The following GPRC5A variants were observed in gnomAD, a reference collection of about 807,000 sequenced individuals.
GPRC5A encodes the protein retinoic acid-induced protein 3.
In GPRC5A, 19 loss-of-function variants were observed where a neutral mutation model predicts 22.5. The ratio of observed to expected loss-of-function variants is 0.85; its 90% confidence interval spans 0.59 to 1.24. GPRC5A has a LOEUF of 1.24. Ranked by LOEUF, GPRC5A falls within the 50% of genes most tolerant of loss-of-function variation. GPRC5A has a pLI of 0.00. For missense variants in GPRC5A, 471 were observed against 451.1 expected, an observed-to-expected ratio of 1.04 and a Z score of -0.40; for synonymous variants, 192 against 184.5, an observed-to-expected ratio of 1.04 and a Z score of -0.33.
rs1479127904 is a variant in GPRC5A at position 12,916,872 on chromosome 12, T to G, written c.*4333T>G. On this transcript the variant is annotated 3_prime_UTR_variant, in exon 4 of 4. Coordinates refer to ENST00000014914, the MANE Select transcript of GPRC5A (RefSeq NM_003979.4). ...TGCACTCATTCTGAGCTTCCTTCCT[T>G]CATTTCTGTCATTACTGCTGAGAAC... The G allele has an allele frequency of 6.6e-6, 1 of 152,232 alleles. No homozygotes were observed. Among genetic ancestry groups the G allele is most frequent in the Admixed American group, 6.5e-5 (1 of 15,278 alleles). The allele number at this position is 152,232 out of a possible 1,614,324, so 9.4% of individuals were successfully genotyped here. A position where few individuals can be genotyped will look rare whatever the true frequency, so the allele number is the denominator to read the frequency against.
intron 3 of GPRC5A, 110 bp from the exon 4 acceptor site, chr12:12,912,337 G>A: frequency 1.1e-6 from 1 of 871,138 alleles, no homozygotes; most frequent in Non-Finnish European, 1.9e-6. Context: ...GGACTTGGGG[G>A]TGGGAGGCCT....
rs1864064639 is a variant in GPRC5A at position 12,916,408 on chromosome 12, A to G, written c.*3869A>G. 2 of 152,212 alleles carry G rather than the reference A, an allele frequency of 1.3e-5. No homozygotes were observed. Among genetic ancestry groups the G allele is most frequent in the Admixed American group, 1.3e-4 (2 of 15,278 alleles). The allele number at this position is 152,212 out of a possible 1,614,324, so 9.4% of individuals were successfully genotyped here. A position where few individuals can be genotyped will look rare whatever the true frequency, so the allele number is the denominator to read the frequency against. On this transcript the variant is annotated 3_prime_UTR_variant, in exon 4 of 4. Coordinates refer to ENST00000014914, the MANE Select transcript of GPRC5A (RefSeq NM_003979.4). ...CGGCCATGCCCCATGTTTCCACTAGATGGCGCTGACACTTCAGGCATCAAC... is the reference window on the plus strand; with the variant it reads ...CGGCCATGCCCCATGTTTCCACTAGGTGGCGCTGACACTTCAGGCATCAAC...
In GPRC5A at chr12:12,917,529, A is replaced by G. The variant is rs549904253; in HGVS notation, c.*4990A>G. The G allele has an allele frequency of 6.6e-6, 1 of 151,384 alleles. No homozygotes were observed. The highest frequency in any genetic ancestry group is 2.1e-4 in the South Asian group (1 of 4,800). The allele number at this position is 151,384 out of a possible 1,614,324, so 9.4% of individuals were successfully genotyped here. The stretch of plus-strand genomic sequence containing the variant: ...TTCCCAGAGAAGTCTTTGAGTAGAG[A>G]ATCCTACTCAAATTTCACTGTATAT... On this transcript the variant is annotated 3_prime_UTR_variant, in exon 4 of 4. Coordinates refer to ENST00000014914, the MANE Select transcript of GPRC5A (RefSeq NM_003979.4).
Position 12,908,943 on chromosome 12 carries a change from A to G in GPRC5A, c.694A>G (p.Met232Val). ...AIWVAWITLL[M>V]LPDFDRRWDD... ...CTGGGTGGCCTGGATCACCCTGCTC[A>G]TGCTTCCTGACTTTGACCGCAGGTG... Residue 232 changes from methionine (M) to valine (V), a missense_variant, in exon 2 of 4, where the codon ATG (methionine) becomes GTG (valine). Physicochemically the swap from Met to Val is conservative, Grantham distance 21. Coordinates refer to ENST00000014914, the MANE Select transcript of GPRC5A (RefSeq NM_003979.4). The G allele has an allele frequency of 1.9e-6, 3 of 1,613,972 alleles. No individual in the cohort carries two copies. The highest frequency in any genetic ancestry group is 2.5e-6 in the Non-Finnish European group (3 of 1,179,940).
At chr12:12,910,247 C>G (rs1013968697) in intron 2 of GPRC5A, among the ~76,000 whole-genome samples, 3 of 152,166 alleles carry the variant, frequency 2.0e-5, no homozygotes, top group Non-Finnish European at 2.9e-5. Context: ...GTGCTACTCA[C>G]TGCAGCTATG....
At chr12:12,901,809 G>A (rs1006872717) in intron 1 of GPRC5A, among the ~76,000 whole-genome samples, 6 of 149,368 alleles carry the variant, frequency 4.0e-5, no homozygotes, top group Non-Finnish European at 7.4e-5. Flanking sequence ...GGACCTCTAC[G>A]TCAAGTGAAG....
chr12:12,899,352 T>C (rs1020397995), intron 1 of GPRC5A, among the ~76,000 whole-genome samples: 6 of 152,190 alleles, frequency 3.9e-5, no homozygotes, highest in Non-Finnish European at 8.8e-5. Flanking sequence ...GTTGCTTGTT[T>C]TGGAGACTTC....
At position 12,912,575 on chromosome 12, in the gene GPRC5A, G is replaced by A. The variant is rs767063823; in HGVS notation, c.*36G>A. Reference sequence around the variant, plus strand: ...AAGAGTGGGACAAATGCAGCCGGGCGGCAGATCTAGCGGGAGCTCAAAGGG... The same window carrying A: ...AAGAGTGGGACAAATGCAGCCGGGCAGCAGATCTAGCGGGAGCTCAAAGGG... On this transcript the variant is annotated 3_prime_UTR_variant, in exon 4 of 4. Coordinates refer to ENST00000014914, the MANE Select transcript of GPRC5A (RefSeq NM_003979.4). The A allele has an allele frequency of 1.2e-5, 15 of 1,273,100 alleles. No homozygotes were observed. In the Middle Eastern group the frequency reaches 9.3e-4, roughly 79 times the overall value. The allele number at this position is 1,273,100 out of a possible 1,614,324, so 78.9% of individuals were successfully genotyped here.
intron 1 of GPRC5A, among the ~76,000 whole-genome samples, chr12:12,893,157 T>C (rs1863781657): frequency 6.6e-6 from 1 of 152,188 alleles, no homozygotes; most frequent in Non-Finnish European, 1.5e-5. Context: ...AACATGGAAC[T>C]GTGATCAGGC....
Position 12,908,553 on chromosome 12 carries a change from G to T in GPRC5A, c.304G>T (p.Gly102Trp). ...STGPTRFFLF[G>W]ILFSICFSCL... ...AGGGCCCACACGCTTCTTCCTCTTTGGGATCCTCTTTTCCATCTGCTTCTC... is the reference window on the plus strand; with the variant it reads ...AGGGCCCACACGCTTCTTCCTCTTTTGGATCCTCTTTTCCATCTGCTTCTC... Residue 102 changes from glycine to tryptophan, a missense_variant, in exon 2 of 4, where the codon GGG becomes TGG. Physicochemically the swap from Gly to Trp is radical, Grantham distance 184. Coordinates refer to ENST00000014914, the MANE Select transcript of GPRC5A (RefSeq NM_003979.4). 2 of 1,614,080 alleles carry T rather than the reference G, an allele frequency of 1.2e-6. No individual in the cohort carries two copies. Among genetic ancestry groups the T allele is most frequent in the African/African-American group, 1.3e-5 (1 of 75,012 alleles).
Position 12,914,549 on chromosome 12 carries a change from C to CTTCCTTCCTTCTTTCTTTCT in GPRC5A, c.*2013_*2014insCTTCCTTCTTTCTTTCTTTC, listed in dbSNP as rs58381355. ...CTCTCTTTCCTTCCTTCCTTCCTTT[C>CTTCCTTCCTTCTTTCTTTCT]TTCTTTCTTTCTTTCTTTCTTTCTT... On this transcript the variant is annotated 3_prime_UTR_variant, in exon 4 of 4. Transcript: ENST00000014914. 2.0e-5 allele frequency: 1 copy of CTTCCTTCCTTCTTTCTTTCT among 50,570 alleles called. No homozygotes were observed. The highest frequency in any genetic ancestry group is 4.7e-4 in the East Asian group (1 of 2,116). 3.1% of individuals were successfully genotyped at this position (50,570 alleles called of 1,614,324 possible). A position where few individuals can be genotyped will look rare whatever the true frequency, so the allele number is the denominator to read the frequency against.
chr12:12,908,685 G>T lies in GPRC5A; in HGVS notation c.436G>T (p.Asp146Tyr), dbSNP rs769617826. 1 of 1,614,040 alleles carries T rather than the reference G, an allele frequency of 6.2e-7. No individual in the cohort carries two copies. Among genetic ancestry groups the T allele is most frequent in the Non-Finnish European group, 8.5e-7 (1 of 1,179,920 alleles). The change falls in exon 2 of 4, where the codon GAT (aspartate) becomes TAT (tyrosine). Residue 146 changes from aspartate to tyrosine, a missense_variant. Asp to Tyr is a radical substitution (Grantham distance 160, BLOSUM62 -3). Coordinates refer to ENST00000014914, the MANE Select transcript of GPRC5A (RefSeq NM_003979.4). The stretch of plus-strand genomic sequence containing the variant: ...GGCCGTGGGCTTCAGCCTAGTCCAG[G>T]ATGTTATCGCTATTGAATATATTGT... ...GLAVGFSLVQ[D>Y]VIAIEYIVLT...
rs998415374 is a variant in GPRC5A at position 12,912,620 on chromosome 12, T to C, written c.*81T>C. On this transcript the variant is annotated 3_prime_UTR_variant, in exon 4 of 4. Transcript: ENST00000014914. Reference sequence around the variant, plus strand: ...AAAGGGATGTGGGCGAAATCTTGAGTCTTCTGAGAAAACTGTACAAGACAC... The same window carrying C: ...AAAGGGATGTGGGCGAAATCTTGAGCCTTCTGAGAAAACTGTACAAGACAC... 18 of 830,442 alleles carry C rather than the reference T, an allele frequency of 2.2e-5. No individual in the cohort carries two copies. Among genetic ancestry groups the C allele is most frequent in the Non-Finnish European group, 3.6e-5 (17 of 477,456 alleles). The allele number at this position is 830,442 out of a possible 1,614,324, so 51.4% of individuals were successfully genotyped here. A position where few individuals can be genotyped will look rare whatever the true frequency, so the allele number is the denominator to read the frequency against.
intron 1 of GPRC5A, among the ~76,000 whole-genome samples, chr12:12,904,274 G>C (rs575232272): frequency 6.6e-6 from 1 of 152,334 alleles, no homozygotes; most frequent in South Asian, 2.1e-4. Context: ...AGACGGATCA[G>C]ACTTGGGTGC....
rs554003780 is a variant in GPRC5A, at chr12:12,906,503, G to A, written c.-7-1740G>A. The stretch of plus-strand genomic sequence containing the variant: ...GGGGAGGATGGCTTGAGCCCAGGAG[G>A]TGGAGGTTGCAGTGGGTCGAGATCC... On this transcript the variant is annotated intron_variant, in intron 1 of 3. Transcript: ENST00000014914. Among the ~76,000 whole-genome samples the A allele has an allele frequency of 6.6e-5, 10 of 152,300 alleles. No individual in the cohort carries two copies. In the South Asian group the frequency reaches 1.9e-3, roughly 28 times the overall value.
In GPRC5A at chr12:12,917,249, T is replaced by TGTGTGTGC. The variant is rs1209334705; in HGVS notation, c.*4713_*4714insTGTGCGTG. 4.5e-4 allele frequency: 26 copies of TGTGTGTGC among 57,674 alleles called. No homozygotes were observed. The highest frequency in any genetic ancestry group is 7.3e-4 in the Non-Finnish European group (22 of 30,030). The allele number at this position is 57,674 out of a possible 1,614,324, so 3.6% of individuals were successfully genotyped here. On this transcript the variant is annotated 3_prime_UTR_variant, in exon 4 of 4. Transcript: ENST00000014914. Reference sequence around the variant, plus strand: ...GTGTGTGTGTGTGTGTGTGTGTGTGTGTGCGTGCGTGCGTGTATGTGCGCC... The same window carrying TGTGTGTGC: ...GTGTGTGTGTGTGTGTGTGTGTGTGTGTGTGTGCGTGCGTGCGTGCGTGTATGTGCGCC...
chr12:12,900,913 ACAAAAAAAAAAC>A (rs1863879493), intron 1 of GPRC5A, among the ~76,000 whole-genome samples: 6 of 106,370 alleles, frequency 5.6e-5, no homozygotes, highest in African/African-American at 2.6e-4. Context: ...AAAAAAAAAA[ACAAAAAAAAAAC>A]AACCCAGAAA....
rs760953581 is a variant in GPRC5A at position 12,908,769 on chromosome 12, A to G, written c.520A>G (p.Asn174Asp). The G allele has an allele frequency of 5.0e-6, 8 of 1,614,188 alleles. No homozygotes were observed. In the East Asian group the frequency reaches 6.7e-5, roughly 13 times the overall value. The stretch of plus-strand genomic sequence containing the variant: ...TTCTGAGCTTTCCGCTCCTCGTCGC[A>G]ATGAAGACTTTGTCCTCCTGCTCAC... ...VFSELSAPRR[N>D]EDFVLLLTYV... Residue 174 changes from asparagine to aspartate, a missense_variant, in exon 2 of 4, where the codon AAT (asparagine) becomes GAT (aspartate). Asn to Asp is a conservative substitution (Grantham distance 23). Coordinates refer to ENST00000014914, the MANE Select transcript of GPRC5A (RefSeq NM_003979.4).
At chr12:12,893,815 G>T (rs913225046) in intron 1 of GPRC5A, among the ~76,000 whole-genome samples, 1 of 152,080 alleles carries the variant, frequency 6.6e-6, no homozygotes, top group Non-Finnish European at 1.5e-5. Context: ...GCGCAGTGAC[G>T]TGATCTCGGC....
Sources: allele counts gnomAD v4.1 joint callset (sites outside exome capture counted in the v4.1 genomes callset), GRCh38; gene constraint gnomAD v4.1.1; transcripts MANE v1.5; gene names NCBI Gene and HGNC (gene_info 2026-07-23, HGNC 2026-07-21).